Variants in KIAA0586 observed in about 807,000 individuals in gnomAD.
KIAA0586 encodes KIAA0586.
Under a neutral mutation model 169.8 loss-of-function variants are expected in KIAA0586, and 144 were observed. The ratio of observed to expected loss-of-function variants is 0.85; its 90% CI spans 0.74 to 0.97. The LOEUF is 0.97. Ranked by LOEUF, KIAA0586 falls within the 50% of genes least tolerant of loss-of-function variation. The probability of loss-of-function intolerance (pLI) is 0.00; values close to 1 mark genes in which losing one functional copy is unlikely to be tolerated. For synonymous variants in KIAA0586, 625 were observed against 612.4 expected (o/e 1.02, Z -0.30); for missense variants, 1,854 against 1,823.0 (o/e 1.02, Z -0.31).
chr14:58,496,260 TA>T (rs1364707565), intron 26 of KIAA0586, among the ~76,000 whole-genome samples: 2 of 152,218 alleles, frequency 1.3e-5, no homozygotes, highest in Non-Finnish European at 2.9e-5. Flanking sequence ...GCATTGAGTA[TA>T]ATCCAAAACT....
chr14:58,477,537 G>A (rs1428875594), intron 20 of KIAA0586, among the ~76,000 whole-genome samples: 1 of 152,012 alleles, frequency 6.6e-6, no homozygotes. Flanking sequence ...TATTAAGGTT[G>A]GTTTCCATAT....
chr14:58,557,899 A>ATTTTTTTTTTTTTTTT, the KIAA0586 span, among the ~76,000 whole-genome samples: 6 of 46,608 alleles, frequency 1.3e-4, no homozygotes, highest in African/African-American at 3.9e-4. Context: ...ATCCTGAGAA[A>ATTTTTTTTTTTTTTTT]TCTTTTTTTT....
At chr14:58,467,664 C>A in intron 15 of KIAA0586, 71 bp from the exon 16 acceptor site, 1 of 1,082,792 alleles carries the variant, frequency 9.2e-7, no homozygotes, top group South Asian at 1.6e-5. Flanking sequence ...CCATTAAGAT[C>A]CAGATGGTAT....
intron 4 of KIAA0586, among the ~76,000 whole-genome samples, chr14:58,435,627 C>G (rs1291314534): frequency 6.6e-6 from 1 of 152,084 alleles, no homozygotes; most frequent in African/African-American, 2.4e-5. Flanking sequence ...TCCCTATGCC[C>G]CCCTTCCATA....
At chr14:58,477,620 G>A (rs1221308496) in intron 20 of KIAA0586, among the ~76,000 whole-genome samples, 2 of 152,124 alleles carry the variant, frequency 1.3e-5, no homozygotes, top group Non-Finnish European at 2.9e-5. Context: ...GTCCTTGCCT[G>A]ATACCCAACA....
chr14:58,458,470 T>C lies in KIAA0586; in HGVS notation c.1584-3T>C, dbSNP rs1467140591. On this transcript the variant is annotated splice_region_variant and splice_polypyrimidine_tract_variant and intron_variant, in intron 11 of 30. Coordinates refer to ENST00000652326, the MANE Select transcript of KIAA0586 (RefSeq NM_001329943.3). ...TAAGAAAATTCCTTTTTCTCTTTTATAGAGAGATGTCAGAGAAAATTAGGA... is the reference window on the plus strand; with the variant it reads ...TAAGAAAATTCCTTTTTCTCTTTTACAGAGAGATGTCAGAGAAAATTAGGA... 3 of 1,502,970 alleles carry C rather than the reference T, an allele frequency of 2.0e-6. No individual in the cohort carries two copies. The highest frequency in any genetic ancestry group is 2.7e-6 in the Non-Finnish European group (3 of 1,104,840). 93.1% of individuals were successfully genotyped at this position (1,502,970 alleles called of 1,614,324 possible). A position where few individuals can be genotyped will look rare whatever the true frequency, so the allele number is the denominator to read the frequency against.
In KIAA0586 at chr14:58,453,542, G is replaced by A. The variant is rs556545456; in HGVS notation, c.1253+69G>A. On this transcript the variant is annotated intron_variant, in intron 9 of 30. Coordinates refer to ENST00000652326, the MANE Select transcript of KIAA0586 (RefSeq NM_001329943.3). ...TTGTTAAGATTTTTCAAATTTCTTT[G>A]GGACTTTTAATAAATTATAGCATTG... 3.4e-5 allele frequency: 39 copies of A among 1,133,948 alleles called. No homozygotes were observed. In the African/African-American group the frequency reaches 6.3e-4, roughly 18 times the overall value. The allele number at this position is 1,133,948 out of a possible 1,614,324, so 70.2% of individuals were successfully genotyped here.
chr14:58,427,552 C>T, upstream of KIAA0586: 1 of 1,519,320 alleles, frequency 6.6e-7, no homozygotes, highest in Non-Finnish European at 8.8e-7. Context: ...AATAAATAAA[C>T]CCCTGTTATG....
At position 58,477,105 on chromosome 14, in the gene KIAA0586, GC is replaced by G; in HGVS notation, c.2826-14del. The G allele has an allele frequency of 7.5e-7, 1 of 1,340,402 alleles. No individual in the cohort carries two copies. The highest frequency in any genetic ancestry group is 1.4e-5 in the African/African-American group (1 of 69,024). 83.0% of individuals were successfully genotyped at this position (1,340,402 alleles called of 1,614,324 possible). A position where few individuals can be genotyped will look rare whatever the true frequency, so the allele number is the denominator to read the frequency against. The stretch of plus-strand genomic sequence containing the variant: ...AATTGAGGAATCTTAACTTTTATCT[GC>G]CCCACCATCCTCTCAGGGTAGAGCA... On this transcript the variant is annotated splice_polypyrimidine_tract_variant and intron_variant, in intron 19 of 30. Coordinates refer to ENST00000652326, the MANE Select transcript of KIAA0586 (RefSeq NM_001329943.3).
chr14:58,431,072 C>A (rs1025228764), intron 3 of KIAA0586, among the ~76,000 whole-genome samples: 1 of 152,126 alleles, frequency 6.6e-6, no homozygotes, highest in Admixed American at 6.6e-5. Context: ...TCAGAATTTT[C>A]TTCTTAAGGG....
At chr14:58,538,428 A>G (rs1045170849) in intron 29 of KIAA0586, among the ~76,000 whole-genome samples, 2 of 152,104 alleles carry the variant, frequency 1.3e-5, no homozygotes, top group African/African-American at 2.4e-5. Context: ...AATTTTTAGT[A>G]TAAATTTTTT....
At chr14:58,430,189 C>T (rs2037243362) in intron 2 of KIAA0586, among the ~76,000 whole-genome samples, 1 of 150,654 alleles carries the variant, frequency 6.6e-6, no homozygotes. Flanking sequence ...TTTAAGCAGG[C>T]CTTATTTAAT....
intron 22 of KIAA0586, 30 bp downstream of exon 22, chr14:58,487,196 TA>T (rs761597161): frequency 3.2e-6 from 5 of 1,566,386 alleles, no homozygotes; most frequent in Non-Finnish European, 4.4e-6. Context: ...AACTCGGTTT[TA>T]ATTTTAGCAA....
chr14:58,535,981 AT>A (rs1432025451), intron 29 of KIAA0586, among the ~76,000 whole-genome samples: 1 of 152,172 alleles, frequency 6.6e-6, no homozygotes, highest in East Asian at 1.9e-4. Flanking sequence ...AAATGTAAGT[AT>A]TACTATACCA....
chr14:58,472,358 A>G (rs975397804), intron 18 of KIAA0586, 79 bp downstream of exon 18: 3 of 689,506 alleles, frequency 4.4e-6, no homozygotes, highest in Non-Finnish European at 7.0e-6. Flanking sequence ...TGGACTATCA[A>G]TATTATGTTA....
chr14:58,427,526 T>C (rs1224634324), upstream of KIAA0586: 2 of 1,479,632 alleles, frequency 1.4e-6, no homozygotes, highest in African/African-American at 2.8e-5. Context: ...GGCAATGTGC[T>C]ACCTTAAAAT....
intron 16 of KIAA0586, 37 bp from the exon 17 acceptor site, chr14:58,470,576 T>C (rs779724377): frequency 8.0e-7 from 1 of 1,254,136 alleles, no homozygotes; most frequent in South Asian, 1.2e-5. Flanking sequence ...TGAGTAAAAA[T>C]GATAAACAGA....
intron 9 of KIAA0586, among the ~76,000 whole-genome samples, chr14:58,453,992 G>A (rs1352372917): frequency 6.6e-6 from 1 of 152,126 alleles, no homozygotes; most frequent in African/African-American, 2.4e-5. Context: ...CATATGTTGA[G>A]TAATTTTATG....
At chr14:58,531,276 G>A (rs1348402568) in intron 29 of KIAA0586, among the ~76,000 whole-genome samples, 7 of 149,168 alleles carry the variant, frequency 4.7e-5, no homozygotes, top group Non-Finnish European at 1.0e-4. Context: ...GCAGTGAGCC[G>A]AGATTGCACC....
Sources: gnomAD v4.1 joint callset for allele counts (sites outside exome capture counted in the v4.1 genomes callset) on GRCh38, gnomAD v4.1.1 for gene constraint, MANE v1.5 for transcripts, NCBI Gene and HGNC (gene_info 2026-07-23, HGNC 2026-07-21) for gene names.